STAG2: variants seen among roughly 807,000 people sequenced by gnomAD.
STAG2 encodes cohesin subunit SA-2.
STAG2 carries 14 observed loss-of-function variants against 108.1 expected under a neutral mutation model. The ratio of observed to expected loss-of-function variants is 0.13; its 90% confidence interval spans 0.09 to 0.20. The LOEUF (loss-of-function observed/expected upper bound fraction) is 0.20, where lower values mean the gene tolerates loss of function less well. Among genes scored for constraint, STAG2 ranks in the 10% least tolerant of loss-of-function variants. The probability of loss-of-function intolerance (pLI) is 1.00; values close to 1 mark genes in which losing one functional copy is unlikely to be tolerated. For synonymous variants in STAG2, 307 were observed against 302.7 expected (o/e 1.01, Z -0.15); for missense variants, 440 against 940.9 (o/e 0.47, Z 6.96).
chrX:123,969,966 T>G (rs2054282988), intron 1 of STAG2, among the ~76,000 whole-genome samples: 1 of 102,135 alleles, frequency 9.8e-6, no homozygotes, highest in South Asian at 4.4e-4. Flanking sequence ...TTTTTTTTTT[T>G]TTTTTTTTTT....
intron 1 of STAG2, among the ~76,000 whole-genome samples, chrX:124,017,567 A>G (rs762976296): frequency 9.0e-6 from 1 of 111,633 alleles, no homozygotes; most frequent in Non-Finnish European, 1.9e-5. Context: ...ATTAAATCAT[A>G]TCAAAGCAAG....
intron 7 of STAG2, among the ~76,000 whole-genome samples, chrX:124,044,349 A>G (rs1379196574): frequency 2.7e-5 from 3 of 111,863 alleles, no homozygotes; most frequent in African/African-American, 3.2e-5. Context: ...GTGGAATATC[A>G]GGACCTTATT....
chrX:124,053,735 T>C (rs146830740), intron 13 of STAG2, among the ~76,000 whole-genome samples: 121 of 111,530 alleles, frequency 1.1e-3, no homozygotes, highest in African/African-American at 3.8e-3. Context: ...AAGCTAGATA[T>C]AAAAGGATCA....
At chrX:124,061,741 G>GA in intron 16 of STAG2, 30 bp from the exon 17 acceptor site, 2 of 750,312 alleles carry the variant, frequency 2.7e-6, no homozygotes, top group Non-Finnish European at 3.6e-6. Flanking sequence ...AACTCTTTCT[G>GA]ACTTTTTTTT....
chrX:124,074,467 G>A (rs1490192622), intron 25 of STAG2, among the ~76,000 whole-genome samples: 1 of 112,239 alleles, frequency 8.9e-6, no homozygotes, highest in African/African-American at 3.2e-5. Context: ...GGAATTGCTA[G>A]ATTATGTAGT....
In STAG2 at chrX:124,083,826, A is replaced by G. The variant is rs755326827; in HGVS notation, c.3053+277A>G. Among the ~76,000 whole-genome samples the G allele has an allele frequency of 1.7e-4, 19 of 112,004 alleles. No individual in the cohort carries two copies. The East Asian group carries it at 4.5e-3, about 26-fold the overall frequency. On this transcript the variant is annotated intron_variant, in intron 29 of 34. Transcript: ENST00000371145. ...TATTATTTAAGAGACTGGACTCACT[A>G]TGTTGCCCAGACTGGCTTTGAACTC...
intron 13 of STAG2, among the ~76,000 whole-genome samples, chrX:124,053,675 C>G (rs1199678206): frequency 9.0e-6 from 1 of 111,491 alleles, no homozygotes. Context: ...GAGATGAACA[C>G]ATATGCACCA....
intron 1 of STAG2, among the ~76,000 whole-genome samples, chrX:123,975,396 A>G (rs2054571942): frequency 8.9e-6 from 1 of 112,294 alleles, no homozygotes; most frequent in Non-Finnish European, 1.9e-5. Context: ...GCAGAGAAGC[A>G]GAAGCATGAA....
intron 13 of STAG2, among the ~76,000 whole-genome samples, chrX:124,053,750 A>G (rs1405081703): frequency 8.9e-6 from 1 of 111,960 alleles, no homozygotes; most frequent in Non-Finnish European, 1.9e-5. Context: ...GGATCAATGA[A>G]TTAACTATAT....
intron 4 of STAG2, among the ~76,000 whole-genome samples, chrX:124,028,375 C>G (rs771099020): frequency 9.0e-6 from 1 of 111,333 alleles, no homozygotes; most frequent in South Asian, 3.8e-4. Context: ...GGATGATTCA[C>G]GTCCTGGGTG....
chrX:124,044,607 C>G (rs1244106207), intron 7 of STAG2, among the ~76,000 whole-genome samples: 1 of 111,279 alleles, frequency 9.0e-6, no homozygotes, highest in Non-Finnish European at 1.9e-5. Flanking sequence ...AGAATGCCCT[C>G]TTGTTGTGCA....
intron 25 of STAG2, among the ~76,000 whole-genome samples, chrX:124,073,558 G>T (rs2058727468): frequency 9.0e-6 from 1 of 111,166 alleles, no homozygotes; most frequent in Non-Finnish European, 1.9e-5. Context: ...GAGTAGCTGG[G>T]ACTCAAGCGT....
At chrX:124,058,175 T>TG (rs1253329576) in intron 15 of STAG2, among the ~76,000 whole-genome samples, 198 bp downstream of exon 15, 1 of 102,452 alleles carries the variant, frequency 9.8e-6, no homozygotes, top group African/African-American at 3.6e-5. Flanking sequence ...TTTTTTTTTT[T>TG]GAGACGGAGT....
intron 14 of STAG2, among the ~76,000 whole-genome samples, chrX:124,057,022 G>A (rs1259996847): frequency 1.8e-5 from 2 of 109,446 alleles, no homozygotes; most frequent in Non-Finnish European, 3.8e-5. Context: ...TCACCCTCCT[G>A]AGTAGCTGGG....
At chrX:124,025,751 C>G (rs924062875) in intron 3 of STAG2, 89 bp from the exon 4 acceptor site, 4 of 634,572 alleles carry the variant, frequency 6.3e-6, no homozygotes, top group Non-Finnish European at 9.5e-6. Flanking sequence ...ATGAGTTAAC[C>G]AAGCCTTTCT....
chrX:123,969,952 GTTTTTTTTTTT>G lies in STAG2; in HGVS notation c.-163+8113_-163+8123del, dbSNP rs749744551. 3.3e-4 allele frequency among the ~76,000 whole-genome samples: 13 copies of G among 39,164 alleles called. No individual in the cohort carries two copies. In the East Asian group the frequency reaches 4.5e-3, roughly 13 times the overall value. The allele number at this position is 39,164 out of a possible 115,157, so 34.0% of individuals were successfully genotyped here. On this transcript the variant is annotated intron_variant, in intron 1 of 34. Coordinates refer to ENST00000371145, the MANE Select transcript of STAG2 (RefSeq NM_001042750.2). ...GTGAGCCACCGCACCCGGTCTTCCT[GTTTTTTTTTTT>G]TTTTTTTTTTTTTTTTAATTGTAAC...
chrX:123,985,140 A>T (rs2055105269), intron 1 of STAG2, among the ~76,000 whole-genome samples: 1 of 111,381 alleles, frequency 9.0e-6, no homozygotes, highest in Admixed American at 9.6e-5. Flanking sequence ...AAGCTCATTA[A>T]ATACTTTTTT....
At chrX:124,057,765 C>T (rs988707860) in intron 14 of STAG2, 101 bp from the exon 15 acceptor site, 78 of 486,530 alleles carry the variant, frequency 1.6e-4, no homozygotes, top group Middle Eastern at 5.7e-4. Context: ...TCCTTTACTC[C>T]TTTGTTAGAT....
In STAG2 at chrX:124,102,299, G is replaced by C; in HGVS notation, c.*1702G>C. The stretch of plus-strand genomic sequence containing the variant: ...ACTGTATATATGATTTTAAACCTAA[G>C]TTGATTTTTTTTCTCACTCTTGAAA... On this transcript the variant is annotated 3_prime_UTR_variant, in exon 35 of 35. Coordinates refer to ENST00000371145, the MANE Select transcript of STAG2 (RefSeq NM_001042750.2). 1 of 159,146 alleles carries C rather than the reference G, an allele frequency of 6.3e-6. No homozygotes were observed. The highest frequency in any genetic ancestry group is 9.5e-5 in the East Asian group (1 of 10,486). 13.1% of individuals were successfully genotyped at this position (159,146 alleles called of 1,213,427 possible). A position where few individuals can be genotyped will look rare whatever the true frequency, so the allele number is the denominator to read the frequency against.
Sources: allele counts gnomAD v4.1 joint callset (sites outside exome capture counted in the v4.1 genomes callset), GRCh38; gene constraint gnomAD v4.1.1; transcripts MANE v1.5; gene names NCBI Gene and HGNC (gene_info 2026-07-23, HGNC 2026-07-21).